CENPU: variants seen among roughly 807,000 people sequenced by gnomAD.
CENPU encodes KSHV latent nuclear antigen interacting protein 1.
CENPU carries 46 observed loss-of-function variants against 56.7 expected under a neutral mutation model. The observed-to-expected ratio is 0.81, with a 90% CI of 0.64 to 1.04. The LOEUF (loss-of-function observed/expected upper bound fraction) is 1.04, where lower values mean the gene tolerates loss of function less well. Ranked by LOEUF, CENPU falls within the 50% of genes least tolerant of loss-of-function variation. The probability of loss-of-function intolerance (pLI) is 0.00; values close to 1 mark genes in which losing one functional copy is unlikely to be tolerated. For missense variants in CENPU, 510 were observed against 490.1 expected, an observed-to-expected ratio of 1.04 and a Z score of -0.38; for synonymous variants, 166 against 163.0, an observed-to-expected ratio of 1.02 and a Z score of -0.14.
Position 184,711,096 on chromosome 4 carries a change from A to ACCC in CENPU, c.689-917_689-916insGGG, listed in dbSNP as rs1760908454. On this transcript the variant is annotated intron_variant, in intron 7 of 12. Coordinates refer to ENST00000281453, the MANE Select transcript of CENPU (RefSeq NM_024629.4). ...GGTCTTGAACTCCTGGGCTCAAGCA[A>ACCC]TCTCTCACCTCAGCCTCCCAAAGTG... 2.6e-5 allele frequency among the ~76,000 whole-genome samples: 4 copies of ACCC among 151,962 alleles called. No individual in the cohort carries two copies. In the South Asian group the frequency reaches 8.3e-4, roughly 32 times the overall value.
chr4:184,724,280 A>C lies in CENPU; in HGVS notation c.320+677T>G, dbSNP rs531132220. On this transcript the variant is annotated intron_variant, in intron 4 of 12. Transcript: ENST00000281453. ...GACTCCATCTCAAAAAAACAAACAA[A>C]CAAACAACCAAACAAAAATACACTG... 3.9e-4 allele frequency among the ~76,000 whole-genome samples: 60 copies of C among 152,270 alleles called. 1 individual carries two copies. The highest frequency in any genetic ancestry group is 6.6e-4 in the Non-Finnish European group (45 of 68,022).
At chr4:184,713,787 CCA>C (rs1761000445) in intron 6 of CENPU, 2 of 152,328 alleles carry the variant, frequency 1.3e-5, no homozygotes, top group Non-Finnish European at 2.9e-5. Context: ...CACCCCCACT[CCA>C]CACACATACA....
In CENPU at chr4:184,729,008, C is replaced by G. The variant is rs753993710; in HGVS notation, c.124G>C (p.Asp42His). Residue 42 changes from aspartate (D) to histidine (H), a missense_variant, in exon 3 of 13, where the codon GAC (aspartate) becomes CAC (histidine). Coordinates refer to ENST00000281453, the MANE Select transcript of CENPU (RefSeq NM_024629.4). ...GAATTATCAGGAAAGTCGAACACGT[C>G]AATAGGCTTGCACTTTTGACCAGCT... ...DKAGQKCKPI[D>H]VFDFPDNSDV... is the part of the protein sequence containing the mutation. 6.2e-7 allele frequency: 1 copy of G among 1,613,934 alleles called. No homozygotes were observed. The highest frequency in any genetic ancestry group is 1.1e-5 in the South Asian group (1 of 90,968).
Position 184,734,089 on chromosome 4 carries a change from T to C in CENPU, c.-27A>G, listed in dbSNP as rs747328902. 1.3e-6 allele frequency: 2 copies of C among 1,542,402 alleles called. No individual in the cohort carries two copies. Among genetic ancestry groups the C allele is most frequent in the Admixed American group, 2.0e-5 (1 of 50,630 alleles). ...GTGCCGCTCTCCGCTCTCGAGCGAC[T>C]GGAAGCTCCCGCCAAGCCCCTCGCC... is the stretch of plus-strand genomic sequence containing the variant. On this transcript the variant is annotated 5_prime_UTR_variant, in exon 1 of 13. Coordinates refer to ENST00000281453, the MANE Select transcript of CENPU (RefSeq NM_024629.4).
chr4:184,716,187 G>C (rs549974745), intron 6 of CENPU, among the ~76,000 whole-genome samples: 1 of 152,034 alleles, frequency 6.6e-6, no homozygotes, highest in Admixed American at 6.6e-5. Context: ...CCCCTGCCTC[G>C]GTCTCCCAAA....
At position 184,716,524 on chromosome 4, in the gene CENPU, A is replaced by G; in HGVS notation, c.491T>C (p.Val164Ala). The G allele has an allele frequency of 9.3e-6, 15 of 1,614,070 alleles. No homozygotes were observed. Among genetic ancestry groups the G allele is most frequent in the Non-Finnish European group, 1.2e-5 (14 of 1,180,008 alleles). The part of the protein sequence containing the change: ...AEKISTQRHE[V>A]IRTTASSELS... ...TTCTGAAGACGCTGTGGTTCGAATA[A>G]CCTCATGACGTTGTGTACTTATTTT... Residue 164 changes from valine to alanine, a missense_variant, in exon 6 of 13, where the codon GTT becomes GCT. Physicochemically the swap from Val to Ala is moderately conservative, Grantham distance 64. Coordinates refer to ENST00000281453, the MANE Select transcript of CENPU (RefSeq NM_024629.4).
At position 184,695,266 on chromosome 4, in the gene CENPU, A is replaced by T. The variant is rs772441825; in HGVS notation, c.*22T>A. On this transcript the variant is annotated 3_prime_UTR_variant, in exon 13 of 13. Transcript: ENST00000281453. Reference sequence around the variant, plus strand: ...GCATGAGACTAGTCTTCCTATAGGCACATTTTAGTAGACTGCTCTTCTCAT... The same window carrying T: ...GCATGAGACTAGTCTTCCTATAGGCTCATTTTAGTAGACTGCTCTTCTCAT... The T allele has an allele frequency of 6.0e-6, 9 of 1,494,536 alleles. No homozygotes were observed. In the South Asian group the frequency reaches 9.0e-5, roughly 15 times the overall value. 92.6% of individuals were successfully genotyped at this position (1,494,536 alleles called of 1,614,324 possible).
intron 3 of CENPU, among the ~76,000 whole-genome samples, chr4:184,727,843 G>A (rs28649620): frequency 0.18 from 27,067 of 152,076 alleles, 2,684 homozygotes; most frequent in African/African-American, 0.26. Flanking sequence ...GTAGATACAC[G>A]TTACAACATG....
intron 4 of CENPU, among the ~76,000 whole-genome samples, chr4:184,720,006 G>A (rs1285957909): frequency 6.6e-6 from 1 of 152,102 alleles, no homozygotes; most frequent in East Asian, 1.9e-4. Context: ...ACCATCCAGT[G>A]AAACATGACC....
chr4:184,727,032 C>T (rs1339358643), intron 3 of CENPU, among the ~76,000 whole-genome samples: 1 of 149,556 alleles, frequency 6.7e-6, no homozygotes, highest in Non-Finnish European at 1.5e-5. Context: ...GGGAGAATTG[C>T]TTGAACCCAG....
At chr4:184,709,985 G>T in intron 8 of CENPU, 87 bp downstream of exon 8, 1 of 534,610 alleles carries the variant, frequency 1.9e-6, no homozygotes, top group Non-Finnish European at 3.3e-6. Flanking sequence ...AATGAAAATA[G>T]TACATAACAA....
chr4:184,696,305 A>C (rs907678921), intron 12 of CENPU, among the ~76,000 whole-genome samples: 3 of 152,252 alleles, frequency 2.0e-5, no homozygotes, highest in African/African-American at 7.2e-5. Context: ...ATATGCCCAA[A>C]TATCTACACT....
intron 4 of CENPU, among the ~76,000 whole-genome samples, chr4:184,719,939 CAATA>C (rs1454002391): frequency 6.6e-6 from 1 of 152,174 alleles, no homozygotes; most frequent in Non-Finnish European, 1.5e-5. Flanking sequence ...CCAATGACTA[CAATA>C]AATACCTGAC....
intron 8 of CENPU, among the ~76,000 whole-genome samples, chr4:184,704,422 T>G (rs1434835509): frequency 6.6e-6 from 1 of 152,098 alleles, no homozygotes; most frequent in Non-Finnish European, 1.5e-5. Context: ...CTGGGAGGAA[T>G]AGGCAACACA....
chr4:184,712,482 T>A (rs1181405501), intron 7 of CENPU, among the ~76,000 whole-genome samples: 3 of 152,206 alleles, frequency 2.0e-5, no homozygotes, highest in Admixed American at 2.0e-4. Context: ...ACTTTACATG[T>A]TGACAGTGAC....
chr4:184,705,739 T>C lies in CENPU; in HGVS notation c.798-3298A>G, dbSNP rs377410690. 1.5e-4 allele frequency among the ~76,000 whole-genome samples: 23 copies of C among 152,094 alleles called. No homozygotes were observed. In the East Asian group the frequency reaches 3.3e-3, roughly 22 times the overall value. ...GATGAATGAATGGATAAACAATGAA[T>C]GGAGGAATGGTTATCTGTATATACA... is the stretch of plus-strand genomic sequence containing the variant. On this transcript the variant is annotated intron_variant, in intron 8 of 12. Transcript: ENST00000281453.
intron 11 of CENPU, among the ~76,000 whole-genome samples, chr4:184,699,877 G>C (rs1760474188): frequency 6.6e-6 from 1 of 152,130 alleles, no homozygotes; most frequent in African/African-American, 2.4e-5. Flanking sequence ...AGCTGGTCTT[G>C]AACTCCTGAC....
rs980363136 is a variant in CENPU at position 184,702,349 on chromosome 4, G to A, written c.876+14C>T. On this transcript the variant is annotated intron_variant, in intron 9 of 12. Transcript: ENST00000281453. ...AAAAACCTTAGACCAACAAATGCAT[G>A]TCCGTGAGCTTACCATTTTGATGAA... 6.2e-7 allele frequency: 1 copy of A among 1,608,310 alleles called. No homozygotes were observed.
At chr4:184,698,128 A>G (rs10022818) in intron 11 of CENPU, 38,558 of 220,940 alleles carry the variant, frequency 0.17, 3,823 homozygotes, top group African/African-American at 0.29. Context: ...AGAGGCTCGC[A>G]CCAGCGGAGC....
Sources: allele counts gnomAD v4.1 joint callset (sites outside exome capture counted in the v4.1 genomes callset), GRCh38; gene constraint gnomAD v4.1.1; transcripts MANE v1.5; gene names NCBI Gene and HGNC (gene_info 2026-07-23, HGNC 2026-07-21).